Variants in MACROD2 observed in about 807,000 individuals in gnomAD.
MACROD2 encodes mono-ADP ribosylhydrolase 2, also known as ADP-ribose glycohydrolase MACROD2.
A neutral mutation model predicts 70.4 loss-of-function variants in MACROD2; 36 were observed. The observed-to-expected ratio is 0.51, with a 90% CI of 0.39 to 0.68. The LOEUF (loss-of-function observed/expected upper bound fraction) is 0.68. Among genes scored for constraint, MACROD2 ranks in the 30% least tolerant of loss-of-function variants. The pLI is 0.00. For synonymous variants in MACROD2, 172 were observed against 178.8 expected, an observed-to-expected ratio of 0.96 and a Z score of 0.30; for missense variants, 496 against 538.4, an observed-to-expected ratio of 0.92 and a Z score of 0.78.
intron 5 of MACROD2, among the ~76,000 whole-genome samples, chr20:14,883,313 A>G (rs2073632154): frequency 6.6e-6 from 1 of 152,164 alleles, no homozygotes; most frequent in Non-Finnish European, 1.5e-5. Flanking sequence ...TAATTTGAAC[A>G]TTATGTCTAC....
intron 9 of MACROD2, among the ~76,000 whole-genome samples, chr20:15,871,194 T>G (rs201992180): frequency 7.8e-6 from 1 of 128,432 alleles, no homozygotes; most frequent in Admixed American, 7.8e-5. Context: ...AAAAAAAAAA[T>G]TATAAAATTA....
chr20:14,977,462 T>TACAC (rs3045702), intron 5 of MACROD2, among the ~76,000 whole-genome samples: 5,664 of 135,024 alleles, frequency 0.042, 214 homozygotes, highest in African/African-American at 0.096. Flanking sequence ...AAGAAAAAGA[T>TACAC]ACACACACAC....
chr20:14,046,494 A>G (rs1283957509), intron 2 of MACROD2, among the ~76,000 whole-genome samples: 3 of 152,192 alleles, frequency 2.0e-5, no homozygotes, highest in Non-Finnish European at 2.9e-5. Flanking sequence ...AGTAATGTCT[A>G]GTAAGTTTCA....
chr20:14,648,813 C>T (rs1985531794), intron 4 of MACROD2, among the ~76,000 whole-genome samples: 1 of 152,074 alleles, frequency 6.6e-6, no homozygotes, highest in South Asian at 2.1e-4. Context: ...GTACTTTATA[C>T]CATTATGTAT....
At chr20:15,995,972 G>A (rs780076191) in intron 15 of MACROD2, among the ~76,000 whole-genome samples, 8 of 151,982 alleles carry the variant, frequency 5.3e-5, no homozygotes, top group East Asian at 1.9e-4. Context: ...CAATGAACAC[G>A]AGAGTGCAGA....
At chr20:15,882,285 T>C (rs952396091) in intron 9 of MACROD2, among the ~76,000 whole-genome samples, 1 of 151,736 alleles carries the variant, frequency 6.6e-6, no homozygotes, top group Non-Finnish European at 1.5e-5. Flanking sequence ...CATAGGGGAG[T>C]GGACAGATGG....
chr20:15,987,646 ATACTGTT>A (rs2066505115), intron 15 of MACROD2, among the ~76,000 whole-genome samples: 1 of 152,166 alleles, frequency 6.6e-6, no homozygotes, highest in African/African-American at 2.4e-5. Flanking sequence ...ATCATATTGA[ATACTGTT>A]TTAAAAAAAG....
chr20:15,144,626 A>G (rs927086763), intron 5 of MACROD2, among the ~76,000 whole-genome samples: 2 of 152,288 alleles, frequency 1.3e-5, no homozygotes, highest in South Asian at 4.1e-4. Context: ...TCATAAGAGC[A>G]TAATTCAACT....
At chr20:14,606,432 A>G (rs1310306577) in intron 4 of MACROD2, among the ~76,000 whole-genome samples, 1 of 152,164 alleles carries the variant, frequency 6.6e-6, no homozygotes, top group Non-Finnish European at 1.5e-5. Context: ...AGCAGATGAT[A>G]TACATCAACA....
intron 6 of MACROD2, among the ~76,000 whole-genome samples, chr20:15,279,643 C>A (rs1350560811): frequency 2.0e-5 from 3 of 152,100 alleles, no homozygotes; most frequent in African/African-American, 7.2e-5. Context: ...GGGATATATC[C>A]ATTTGAATTT....
intron 5 of MACROD2, among the ~76,000 whole-genome samples, chr20:14,702,735 AT>A (rs962365618): frequency 4.2e-5 from 6 of 143,584 alleles, no homozygotes; most frequent in Admixed American, 7.1e-5. Context: ...ATATATATAT[AT>A]TTTTTTTTGA....
At chr20:14,824,060 A>G (rs960299348) in intron 5 of MACROD2, among the ~76,000 whole-genome samples, 1 of 152,112 alleles carries the variant, frequency 6.6e-6, no homozygotes, top group Non-Finnish European at 1.5e-5. Context: ...AACACATAAA[A>G]ATTTCCCACA....
chr20:15,279,051 A>G (rs778229847), intron 6 of MACROD2, among the ~76,000 whole-genome samples: 21 of 152,190 alleles, frequency 1.4e-4, no homozygotes, highest in Non-Finnish European at 2.6e-4. Flanking sequence ...TGTTTCTTCA[A>G]TGATAATAAA....
At chr20:15,996,522 A>G (rs2066634503) in intron 15 of MACROD2, among the ~76,000 whole-genome samples, 2 of 152,120 alleles carry the variant, frequency 1.3e-5, no homozygotes, top group Admixed American at 6.6e-5. Context: ...CAAACTCTTC[A>G]TTGATTTTTG....
intron 5 of MACROD2, among the ~76,000 whole-genome samples, chr20:14,751,238 T>A (rs1021087715): frequency 1.3e-5 from 2 of 151,792 alleles, no homozygotes; most frequent in African/African-American, 4.8e-5. Context: ...TAATGTGAAA[T>A]CCCATTACAC....
At chr20:15,750,608 T>G (rs8120971) in intron 8 of MACROD2, among the ~76,000 whole-genome samples, 36,380 of 151,640 alleles carry the variant, frequency 0.24, 5,063 homozygotes, top group African/African-American at 0.38. Flanking sequence ...TCCCATTACT[T>G]GTATACTGTA....
chr20:15,373,873 TC>T (rs1317768900), intron 6 of MACROD2, among the ~76,000 whole-genome samples: 1 of 152,246 alleles, frequency 6.6e-6, no homozygotes, highest in Non-Finnish European at 1.5e-5. Flanking sequence ...GCAGTACTTT[TC>T]CTTGTACCTT....
At chr20:14,969,318 A>G (rs987711776) in intron 5 of MACROD2, among the ~76,000 whole-genome samples, 10 of 151,458 alleles carry the variant, frequency 6.6e-5, no homozygotes, top group African/African-American at 2.4e-4. Context: ...CATAGGAAAA[A>G]CTGAATAAAA....
At chr20:15,402,864 A>G (rs752811454) in intron 6 of MACROD2, among the ~76,000 whole-genome samples, 44 of 152,250 alleles carry the variant, frequency 2.9e-4, no homozygotes, top group Non-Finnish European at 5.7e-4. Flanking sequence ...TATGGAAGGC[A>G]GGAGATATTT....
Sources: gnomAD v4.1 joint callset for allele counts (sites outside exome capture counted in the v4.1 genomes callset) on GRCh38, gnomAD v4.1.1 for gene constraint, MANE v1.5 for transcripts, NCBI Gene and HGNC (gene_info 2026-07-23, HGNC 2026-07-21) for gene names.